The following GNA12 variants were observed in gnomAD, a reference collection of about 807,000 sequenced individuals.
The protein encoded by GNA12 is G protein subunit alpha 12, also known as guanine nucleotide-binding protein subunit alpha-12.
In GNA12, 9 loss-of-function variants were observed where a neutral mutation model predicts 26.0. The observed-to-expected ratio is 0.35, with a 90% CI of 0.21 to 0.60. The LOEUF (loss-of-function observed/expected upper bound fraction) is 0.60. GNA12 is among the 20% of genes least tolerant of loss of function. The pLI, the probability that GNA12 is intolerant of heterozygous loss-of-function variation, is 0.78. For synonymous variants in GNA12, 264 were observed against 219.6 expected (o/e 1.20, Z -1.79); for missense variants, 405 against 525.8 (o/e 0.77, Z 2.25).
chr7:2,739,473 C>T (rs923558119), intron 2 of GNA12, among the ~76,000 whole-genome samples: 6 of 138,122 alleles, frequency 4.3e-5, no homozygotes, highest in Middle Eastern at 3.6e-3. Flanking sequence ...TTCCATTTTA[C>T]GGCCAATATA....
chr7:2,806,775 T>C (rs1365584115), intron 1 of GNA12, among the ~76,000 whole-genome samples: 1 of 152,196 alleles, frequency 6.6e-6, no homozygotes. Flanking sequence ...CATGCTAAGA[T>C]TGAGGTAATC....
At chr7:2,806,355 C>G (rs1298235823) in intron 1 of GNA12, among the ~76,000 whole-genome samples, 3 of 147,902 alleles carry the variant, frequency 2.0e-5, no homozygotes, top group Admixed American at 7.0e-5. Context: ...CACATGGTGG[C>G]AGGTGCCTGT....
intron 1 of GNA12, chr7:2,815,041 G>A (rs1793184939): frequency 6.7e-7 from 1 of 1,487,736 alleles, no homozygotes; most frequent in Non-Finnish European, 8.9e-7. Context: ...CCCTGTCAAA[G>A]CCACCAAGCG....
intron 2 of GNA12, among the ~76,000 whole-genome samples, chr7:2,759,358 T>TTCTAAGGGCCTCCCCC (rs1466312223): frequency 1.3e-5 from 2 of 152,158 alleles, no homozygotes; most frequent in Non-Finnish European, 2.9e-5. Context: ...GTGCCTGCAC[T>TTCTAAGGGCCTCCCCC]GTTCTAAGGG....
intron 1 of GNA12, among the ~76,000 whole-genome samples, chr7:2,800,358 G>T (rs1792779434): frequency 6.6e-6 from 1 of 152,212 alleles, no homozygotes; most frequent in African/African-American, 2.4e-5. Context: ...GACTAGAAAG[G>T]GGCAACACGA....
At chr7:2,770,272 A>G (rs1791915287) in intron 2 of GNA12, among the ~76,000 whole-genome samples, 1 of 152,220 alleles carries the variant, frequency 6.6e-6, no homozygotes, top group Admixed American at 6.5e-5. Flanking sequence ...ATTGTTTAAT[A>G]GGGTCTTGTT....
chr7:2,809,482 A>C (rs890629752), intron 1 of GNA12, among the ~76,000 whole-genome samples: 1 of 152,228 alleles, frequency 6.6e-6, no homozygotes, highest in African/African-American at 2.4e-5. Context: ...CATTATTGAC[A>C]TTAATACATA....
intron 1 of GNA12, among the ~76,000 whole-genome samples, chr7:2,841,124 T>C (rs1394486104): frequency 6.6e-6 from 1 of 152,248 alleles, no homozygotes; most frequent in Admixed American, 6.5e-5. Context: ...TTAGTGTTTC[T>C]ATGCATCAGG....
chr7:2,763,191 A>ACCACACAC, intron 2 of GNA12: 1 of 221,188 alleles, frequency 4.5e-6, no homozygotes, highest in Non-Finnish European at 7.5e-6. Flanking sequence ...AAGACACCCC[A>ACCACACAC]ACACACACAC....
intron 1 of GNA12, among the ~76,000 whole-genome samples, chr7:2,799,355 G>C (rs1414010187): frequency 1.3e-5 from 2 of 152,148 alleles, no homozygotes; most frequent in African/African-American, 4.8e-5. Context: ...TGAGGGGAGA[G>C]GATCACTTGG....
At chr7:2,760,971 G>T (rs1343150206) in intron 2 of GNA12, among the ~76,000 whole-genome samples, 3 of 152,208 alleles carry the variant, frequency 2.0e-5, no homozygotes, top group African/African-American at 7.2e-5. Context: ...CAGTCTTGAC[G>T]AAGTTGCTTG....
chr7:2,835,753 A>T, intron 1 of GNA12: 3 of 792,590 alleles, frequency 3.8e-6, no homozygotes, highest in Non-Finnish European at 6.7e-6. Flanking sequence ...AGTAAAACAG[A>T]AACAACTCCA....
At chr7:2,732,687 C>T (rs1310406800) in intron 3 of GNA12, among the ~76,000 whole-genome samples, 2 of 152,182 alleles carry the variant, frequency 1.3e-5, no homozygotes, top group Admixed American at 6.5e-5. Flanking sequence ...CTACCACCCA[C>T]GGGGTGTGCA....
intron 2 of GNA12, among the ~76,000 whole-genome samples, chr7:2,776,382 C>A (rs770129570): frequency 1.6e-4 from 25 of 152,186 alleles, no homozygotes; most frequent in Non-Finnish European, 2.2e-4. Context: ...TTCCTCAGAC[C>A]AGGGGACACA....
At chr7:2,767,214 C>T (rs1051366929) in intron 2 of GNA12, among the ~76,000 whole-genome samples, 2 of 152,160 alleles carry the variant, frequency 1.3e-5, no homozygotes, top group African/African-American at 2.4e-5. Context: ...GATTGTGTCC[C>T]TGTACCCACA....
chr7:2,744,460 T>G (rs1029560712), intron 2 of GNA12, among the ~76,000 whole-genome samples: 10 of 152,204 alleles, frequency 6.6e-5, no homozygotes, highest in Admixed American at 5.9e-4. Context: ...CTGAGGGTCC[T>G]GTCTGTTAGA....
chr7:2,810,000 T>C (rs1562440102), intron 1 of GNA12, among the ~76,000 whole-genome samples: 1 of 152,236 alleles, frequency 6.6e-6, no homozygotes, highest in South Asian at 2.1e-4. Flanking sequence ...CTAGTATCAT[T>C]ACAATCACCT....
intron 2 of GNA12, among the ~76,000 whole-genome samples, chr7:2,757,080 G>C (rs1347692211): frequency 6.6e-6 from 1 of 151,294 alleles, no homozygotes; most frequent in Admixed American, 6.6e-5. Context: ...GTCCCAAGGC[G>C]GGGGAAAAAA....
chr7:2,733,301 C>T (rs746590915), intron 3 of GNA12, 150 bp downstream of exon 3: 10 of 674,288 alleles, frequency 1.5e-5, no homozygotes, highest in African/African-American at 3.5e-5. Context: ...CAAGTGAGAG[C>T]GTGCCATTAC....
Sources: gnomAD v4.1 joint callset for allele counts (sites outside exome capture counted in the v4.1 genomes callset) on GRCh38, gnomAD v4.1.1 for gene constraint, MANE v1.5 for transcripts, NCBI Gene and HGNC (gene_info 2026-07-23, HGNC 2026-07-21) for gene names.